Variants in PCSK9 observed in about 807,000 individuals in gnomAD.
The protein encoded by PCSK9 is proprotein convertase subtilisin/kexin type 9, also known as convertase subtilisin/kexin type 9 preproprotein.
A neutral mutation model predicts 62.1 loss-of-function variants in PCSK9; 57 were observed. The ratio of observed to expected loss-of-function variants is 0.92; its 90% confidence interval spans 0.74 to 1.14. The LOEUF is 1.14. PCSK9 is among the 50% of genes most tolerant of loss of function. PCSK9 has a pLI of 0.00. For synonymous variants in PCSK9, 387 were observed against 409.4 expected, an observed-to-expected ratio of 0.95 and a Z score of 0.66; for missense variants, 870 against 959.8, an observed-to-expected ratio of 0.91 and a Z score of 1.24.
chr1:55,057,331 G>T lies in PCSK9; in HGVS notation c.997G>T (p.Val333Phe). Residue 333 changes from valine to phenylalanine, a missense_variant and splice_region_variant, in exon 7 of 12, where the codon GTC (valine) becomes TTC (phenylalanine). Physicochemically the swap from Val to Phe is conservative, Grantham distance 50 (BLOSUM62 -1). Coordinates refer to ENST00000302118, the MANE Select transcript of PCSK9 (RefSeq NM_174936.4). Reference sequence around the variant, plus strand: ...GCCACCCACCTCCTCACCTTTCCAGGTCATCACAGTTGGGGCCACCAATGC... The same window carrying T: ...GCCACCCACCTCCTCACCTTTCCAGTTCATCACAGTTGGGGCCACCAATGC... ...CLYSPASAPE[V>F]ITVGATNAQD... 6.2e-7 allele frequency: 1 copy of T among 1,613,718 alleles called. No homozygotes were observed. Among genetic ancestry groups the T allele is most frequent in the Non-Finnish European group, 8.5e-7 (1 of 1,179,816 alleles).
rs1159122739 is a variant in PCSK9, at chr1:55,063,643, A to G, written c.*59A>G. The stretch of plus-strand genomic sequence containing the variant: ...TCAAGGGCTGGGGCTGAGCTTTAAA[A>G]TGGTTCCGACTTGTCCCTCTCTCAG... On this transcript the variant is annotated 3_prime_UTR_variant, in exon 12 of 12. Transcript: ENST00000302118. 7 of 1,546,956 alleles carry G rather than the reference A, an allele frequency of 4.5e-6. No homozygotes were observed. The highest frequency in any genetic ancestry group is 1.2e-5 in the South Asian group (1 of 83,940).
rs764512090 is a variant in PCSK9 at position 55,057,521 on chromosome 1, C to T, written c.1180+7C>T. 11 of 1,607,170 alleles carry T rather than the reference C, an allele frequency of 6.8e-6. No homozygotes were observed. Among genetic ancestry groups the T allele is most frequent in the African/African-American group, 1.3e-5 (1 of 74,884 alleles). Reference sequence around the variant, plus strand: ...GCTGCTGCCCACGTGGCTGGTAAGTCACCACCCCACTGCCTCGGCCACCGT... The same window carrying T: ...GCTGCTGCCCACGTGGCTGGTAAGTTACCACCCCACTGCCTCGGCCACCGT... On this transcript the variant is annotated splice_region_variant and intron_variant, in intron 7 of 11. Transcript: ENST00000302118.
At chr1:55,058,281 C>A in intron 8 of PCSK9, 72 bp downstream of exon 8, 1 of 1,549,118 alleles carries the variant, frequency 6.5e-7, no homozygotes, top group East Asian at 2.3e-5. Flanking sequence ...ACAGTCTCTC[C>A]CTTCTCCCTT....
At chr1:55,048,184 A>G (rs1644647605) in intron 3 of PCSK9, among the ~76,000 whole-genome samples, 1 of 152,064 alleles carries the variant, frequency 6.6e-6, no homozygotes, top group South Asian at 2.1e-4. Flanking sequence ...CCGTGTCCCA[A>G]CAGCGGCAGC....
chr1:55,060,838 C>T lies in PCSK9; in HGVS notation c.1682-537C>T, dbSNP rs565047820. On this transcript the variant is annotated intron_variant, in intron 10 of 11. Coordinates refer to ENST00000302118, the MANE Select transcript of PCSK9 (RefSeq NM_174936.4). ...CCAGGCTCCATGCTGGGGCTTCGCACGTGTCATCTTCACAGTGTCCCTGTG... is the reference window on the plus strand; with the variant it reads ...CCAGGCTCCATGCTGGGGCTTCGCATGTGTCATCTTCACAGTGTCCCTGTG... Among the ~76,000 whole-genome samples, 23 of 152,300 alleles carry T rather than the reference C, an allele frequency of 1.5e-4. 2 individuals are homozygous for T. Among genetic ancestry groups the T allele is most frequent in the Admixed American group, 1.2e-3 (19 of 15,306 alleles).
chr1:55,061,309 G>A (rs577438610), intron 10 of PCSK9, 66 bp from the exon 11 acceptor site: 2 of 1,508,768 alleles, frequency 1.3e-6, no homozygotes, highest in East Asian at 2.4e-5. Flanking sequence ...AGGGTCTGAT[G>A]GGGATGGGCA....
chr1:55,054,281 G>T (rs1235842347), intron 5 of PCSK9, among the ~76,000 whole-genome samples: 2 of 152,198 alleles, frequency 1.3e-5, no homozygotes, highest in Non-Finnish European at 1.5e-5. Flanking sequence ...TACTTGGGAG[G>T]CTAAGGCAGG....
chr1:55,051,632 C>T, intron 3 of PCSK9: 1 of 226,372 alleles, frequency 4.4e-6, no homozygotes, highest in South Asian at 5.9e-5. Context: ...TTGGAGAATC[C>T]AAACTGATCC....
chr1:55,048,890 C>T (rs1217383619), intron 3 of PCSK9, among the ~76,000 whole-genome samples: 1 of 152,184 alleles, frequency 6.6e-6, no homozygotes, highest in African/African-American at 2.4e-5. Context: ...TGATTTTAGC[C>T]CTGCATTTTT....
chr1:55,058,766 A>C, intron 9 of PCSK9, 119 bp downstream of exon 9: 1 of 1,523,886 alleles, frequency 6.6e-7, no homozygotes, highest in Non-Finnish European at 8.8e-7. Flanking sequence ...CATCCTCCAG[A>C]CTCCAGCTCT....
At position 55,053,534 on chromosome 1, in the gene PCSK9, CTG is replaced by C. The variant is rs919940220; in HGVS notation, c.799+745_799+746del. ...CAAGCTGGGGAACTCGCTGGGAAAACTGTCAGCTCTGGGCAGCAGCTTGACTT... is the reference window on the plus strand; with the variant it reads ...CAAGCTGGGGAACTCGCTGGGAAAACTCAGCTCTGGGCAGCAGCTTGACTT... On this transcript the variant is annotated intron_variant, in intron 5 of 11. Coordinates refer to ENST00000302118, the MANE Select transcript of PCSK9 (RefSeq NM_174936.4). Among the ~76,000 whole-genome samples the C allele has an allele frequency of 1.5e-3, 226 of 152,278 alleles. 2 individuals are homozygous for C. Among genetic ancestry groups the C allele is most frequent in the African/African-American group, 5.3e-3 (222 of 41,566 alleles).
At chr1:55,052,617 C>G (rs1164131855) in intron 4 of PCSK9, 33 bp from the exon 5 acceptor site, 5 of 1,610,894 alleles carry the variant, frequency 3.1e-6, no homozygotes, top group Non-Finnish European at 4.2e-6. Flanking sequence ...GAGGGGGGGT[C>G]TTTCTCATGT....
chr1:55,063,490 G>A lies in PCSK9; in HGVS notation c.1985G>A (p.Ser662Asn). ...TGTGTAGTCAGGAGCCGGGACGTCA[G>A]CACTACAGGCAGCACCAGCGAAGGG... is the stretch of plus-strand genomic sequence containing the variant. ...NTCVVRSRDVSTTGSTSEGAV... is the reference protein window; with the variant it reads ...NTCVVRSRDVNTTGSTSEGAV... The change falls in exon 12 of 12, where the codon AGC becomes AAC. Residue 662 changes from serine (S) to asparagine (N), a missense_variant. Coordinates refer to ENST00000302118, the MANE Select transcript of PCSK9 (RefSeq NM_174936.4). 2 of 1,614,010 alleles carry A rather than the reference G, an allele frequency of 1.2e-6. No homozygotes were observed. Among genetic ancestry groups the A allele is most frequent in the Non-Finnish European group, 1.7e-6 (2 of 1,179,904 alleles).
chr1:55,058,717 G>GTA, intron 9 of PCSK9, 70 bp downstream of exon 9: 1 of 1,292,118 alleles, frequency 7.7e-7, no homozygotes, highest in Non-Finnish European at 1.0e-6. Context: ...GTGTGTGTGT[G>GTA]TCAGTGCTGG....
chr1:55,058,809 G>A (rs1166852942), intron 9 of PCSK9, among the ~76,000 whole-genome samples, 162 bp downstream of exon 9: 4 of 152,190 alleles, frequency 2.6e-5, no homozygotes, highest in East Asian at 1.9e-4. Context: ...CAGACCAGGA[G>A]TGGGGCACTC....
At chr1:55,052,453 T>G in intron 4 of PCSK9, 42 bp downstream of exon 4, 1 of 1,613,048 alleles carries the variant, frequency 6.2e-7, no homozygotes, top group South Asian at 1.1e-5. Context: ...TCTGCCCATA[T>G]CCCCATCCTG....
At position 55,040,118 on chromosome 1, in the gene PCSK9, C is replaced by T; in HGVS notation, c.207+74C>T. ...TGCGGTGCTGTTTCCTCTCGGGCCT[C>T]AGTTTCCCCCCATGTAAGAGAGGAA... On this transcript the variant is annotated intron_variant, in intron 1 of 11. Coordinates refer to ENST00000302118, the MANE Select transcript of PCSK9 (RefSeq NM_174936.4). This position sits in a 1 kb window ranked among gnomAD's most constrained non-coding sequence, Gnocchi z 4.1. 6.6e-7 allele frequency: 1 copy of T among 1,506,660 alleles called. No individual in the cohort carries two copies. The allele number at this position is 1,506,660 out of a possible 1,614,324, so 93.3% of individuals were successfully genotyped here.
At chr1:55,044,911 GA>G (rs1249193163) in intron 2 of PCSK9, among the ~76,000 whole-genome samples, 3 of 152,184 alleles carry the variant, frequency 2.0e-5, no homozygotes, top group African/African-American at 7.2e-5. Flanking sequence ...GACAGGGATT[GA>G]CAGGGTCCCT....
At chr1:55,057,569 G>A in intron 7 of PCSK9, 55 bp downstream of exon 7, 1 of 1,550,290 alleles carries the variant, frequency 6.5e-7, no homozygotes, top group African/African-American at 1.4e-5. Context: ...CCCTTTGGCA[G>A]TCAGGGTCTG....
Sources: allele counts gnomAD v4.1 joint callset (sites outside exome capture counted in the v4.1 genomes callset), GRCh38; gene constraint gnomAD v4.1.1; non-coding constraint Gnocchi (gnomAD v3.1); transcripts MANE v1.5; gene names NCBI Gene and HGNC (gene_info 2026-07-23, HGNC 2026-07-21).